The following PHLPP1 variants were observed in gnomAD, a reference collection of about 807,000 sequenced individuals.
PHLPP1 encodes the protein PH domain and leucine rich repeat protein phosphatase 1, also known as PH domain leucine-rich repeat-containing protein phosphatase 1.
A neutral mutation model predicts 117.2 loss-of-function variants in PHLPP1; 42 were observed. That is an observed-to-expected ratio of 0.36 (90% CI 0.28 to 0.46). PHLPP1 has a LOEUF of 0.46. Ranked by LOEUF, PHLPP1 falls within the 20% of genes least tolerant of loss-of-function variation. PHLPP1 has a pLI of 1.00. For synonymous variants in PHLPP1, 1,042 were observed against 970.7 expected, an observed-to-expected ratio of 1.07 and a Z score of -1.37; for missense variants, 2,084 against 2,241.9, an observed-to-expected ratio of 0.93 and a Z score of 1.42.
intron 1 of PHLPP1, among the ~76,000 whole-genome samples, chr18:62,785,942 A>T (rs190378166): frequency 1.8e-3 from 277 of 152,356 alleles, no homozygotes; most frequent in African/African-American, 6.5e-3. Flanking sequence ...AGGTAGATAC[A>T]CATAGGGAGA....
rs1911110446 is a variant in PHLPP1, at chr18:62,727,505, C to T, written c.1576+10246C>T. Among the ~76,000 whole-genome samples, 3 of 150,346 alleles carry T rather than the reference C, an allele frequency of 2.0e-5. No individual in the cohort carries two copies. In the South Asian group the frequency reaches 6.3e-4, roughly 32 times the overall value. ...GGTAGCATGCTTGTAGTCCTAGCTA[C>T]TTGGGAAGCTGAGGTGGGAAGATAT... On this transcript the variant is annotated intron_variant, in intron 1 of 16. Transcript: ENST00000262719.
chr18:62,783,939 C>A lies in PHLPP1; in HGVS notation c.1577-46096C>A, dbSNP rs138811064. Among the ~76,000 whole-genome samples, 19 of 152,296 alleles carry A rather than the reference C, an allele frequency of 1.2e-4. No homozygotes were observed. In the East Asian group the frequency reaches 3.7e-3, roughly 29 times the overall value. ...GGCCTGAGAATGAGAAGAAAGATGG[C>A]CACAGCAAGAAAGGGCCTAGTGTCT... On this transcript the variant is annotated intron_variant, in intron 1 of 16. Transcript: ENST00000262719.
At chr18:62,878,385 T>C (rs1036736826) in intron 4 of PHLPP1, among the ~76,000 whole-genome samples, 1 of 152,222 alleles carries the variant, frequency 6.6e-6, no homozygotes, top group Non-Finnish European at 1.5e-5. Flanking sequence ...CTCTCTCTGC[T>C]ACTTCATGTC....
chr18:62,775,240 G>A (rs560324568), intron 1 of PHLPP1, among the ~76,000 whole-genome samples: 1 of 152,232 alleles, frequency 6.6e-6, no homozygotes, highest in African/African-American at 2.4e-5. Context: ...TGGGATTATA[G>A]GCGCCTACCA....
At position 62,716,193 on chromosome 18, in the gene PHLPP1, G is replaced by C. The variant is rs913372631; in HGVS notation, c.510G>C (p.Arg170=). Reference sequence around the variant, plus strand: ...CGGCCTCGGCGTCGCTGTGCACCCGGAGCCTGGACAGGAAGACGCTGCTTC... The same window carrying C: ...CGGCCTCGGCGTCGCTGTGCACCCGCAGCCTGGACAGGAAGACGCTGCTTC... The part of the protein sequence containing the change: ...SCSASASLCT[R]SLDRKTLLLK... Residue 170 remains arginine, a synonymous_variant, in exon 1 of 17, where the codon CGG becomes CGC. Coordinates refer to ENST00000262719, the MANE Select transcript of PHLPP1 (RefSeq NM_194449.4). The surrounding 1 kb of genome is among the most constrained non-coding windows in gnomAD (Gnocchi z 5.7). 9.2e-6 allele frequency: 14 copies of C among 1,521,256 alleles called. No homozygotes were observed. In the African/African-American group the frequency reaches 1.4e-4, roughly 15 times the overall value. The allele number at this position is 1,521,256 out of a possible 1,614,324, so 94.2% of individuals were successfully genotyped here. A position where few individuals can be genotyped will look rare whatever the true frequency, so the allele number is the denominator to read the frequency against.
At chr18:62,832,484 C>T (rs530652526) in intron 2 of PHLPP1, among the ~76,000 whole-genome samples, 8 of 152,274 alleles carry the variant, frequency 5.3e-5, no homozygotes, top group Admixed American at 2.6e-4. Flanking sequence ...TCAGCAGATC[C>T]GGTTATAATT....
chr18:62,716,168 C>T lies in PHLPP1; in HGVS notation c.485C>T (p.Ser162Leu). Residue 162 changes from serine to leucine, a missense_variant, in exon 1 of 17, where the codon TCG (serine) becomes TTG (leucine). This residue lies in a region of PHLPP1 where 719 missense variants were observed against 636.0 expected (regional missense o/e 1.13). Transcript: ENST00000262719. This position sits in a 1 kb window ranked among gnomAD's most constrained non-coding sequence, Gnocchi z 5.7. The stretch of plus-strand genomic sequence containing the variant: ...GCTGCCGGCCTCCCCGCCTCCTGCT[C>T]GGCCTCGGCGTCGCTGTGCACCCGG... ...PGAAGLPASC[S>L]ASASLCTRSL... 4 of 1,518,980 alleles carry T rather than the reference C, an allele frequency of 2.6e-6. No homozygotes were observed. The highest frequency in any genetic ancestry group is 2.6e-6 in the Non-Finnish European group (3 of 1,139,372). 94.1% of individuals were successfully genotyped at this position (1,518,980 alleles called of 1,614,324 possible). A position where few individuals can be genotyped will look rare whatever the true frequency, so the allele number is the denominator to read the frequency against.
intron 1 of PHLPP1, among the ~76,000 whole-genome samples, chr18:62,771,962 A>G (rs552903875): frequency 6.6e-6 from 1 of 152,294 alleles, no homozygotes; most frequent in South Asian, 2.1e-4. Context: ...TTTCTGTATT[A>G]GGGACATTCA....
intron 1 of PHLPP1, among the ~76,000 whole-genome samples, chr18:62,764,063 T>C (rs1229421784): frequency 1.4e-5 from 2 of 146,048 alleles, no homozygotes; most frequent in African/African-American, 5.1e-5. Context: ...CTTGGGAGGC[T>C]AAGGGAGAAG....
intron 12 of PHLPP1, among the ~76,000 whole-genome samples, chr18:62,951,060 C>G (rs1402038160): frequency 6.6e-6 from 1 of 151,542 alleles, no homozygotes; most frequent in Non-Finnish European, 1.5e-5. Context: ...TTGTTCACCG[C>G]AAGTTCCGCC....
Position 62,979,852 on chromosome 18 carries a change from T to C in PHLPP1, c.*421T>C, listed in dbSNP as rs1911324026. ...TTTCTTTGGGGGGAAAAGGCTTTTG[T>C]TTTGTTTTGTTTTGTTTTGTTTTGT... is the stretch of plus-strand genomic sequence containing the variant. On this transcript the variant is annotated 3_prime_UTR_variant, in exon 17 of 17. Coordinates refer to ENST00000262719, the MANE Select transcript of PHLPP1 (RefSeq NM_194449.4). 2.5e-5 allele frequency: 4 copies of C among 158,042 alleles called. No individual in the cohort carries two copies. The highest frequency in any genetic ancestry group is 4.1e-5 in the Non-Finnish European group (3 of 72,396). 9.8% of individuals were successfully genotyped at this position (158,042 alleles called of 1,614,324 possible). A position where few individuals can be genotyped will look rare whatever the true frequency, so the allele number is the denominator to read the frequency against.
chr18:62,835,947 A>C (rs1914883210), intron 2 of PHLPP1, among the ~76,000 whole-genome samples: 1 of 150,936 alleles, frequency 6.6e-6, no homozygotes, highest in Non-Finnish European at 1.5e-5. Flanking sequence ...CGCCCGACTA[A>C]TTTTTGTATT....
Position 62,792,868 on chromosome 18 carries a change from C to CAAAAAAAAAAAAAA in PHLPP1, c.1577-37156_1577-37143dup, listed in dbSNP as rs71160870. Among the ~76,000 whole-genome samples the CAAAAAAAAAAAAAA allele has an allele frequency of 8.8e-5, 5 of 56,846 alleles. 1 individual carries two copies. Among genetic ancestry groups the CAAAAAAAAAAAAAA allele is most frequent in the African/African-American group, 3.8e-4 (5 of 13,090 alleles). 37.3% of individuals were successfully genotyped at this position (56,846 alleles called of 152,430 possible). ...TTGGTGAGAGAGCGAGCCTCTGTCT[C>CAAAAAAAAAAAAAA]AAAAAAAAAAAAAAAAAAAAAAAAG... On this transcript the variant is annotated intron_variant, in intron 1 of 16. Transcript: ENST00000262719.
chr18:62,885,534 C>G (rs773425740), intron 4 of PHLPP1, among the ~76,000 whole-genome samples: 1 of 152,136 alleles, frequency 6.6e-6, no homozygotes, highest in African/African-American at 2.4e-5. Flanking sequence ...GGGGCATGCA[C>G]CAGTAGTCCC....
chr18:62,850,382 A>G (rs909431569), intron 3 of PHLPP1, among the ~76,000 whole-genome samples: 2 of 70,408 alleles, frequency 2.8e-5, no homozygotes, highest in African/African-American at 1.2e-4. Context: ...GCAAGACTCC[A>G]TCTCGGGGGG....
At chr18:62,797,168 A>G (rs1913651464) in intron 1 of PHLPP1, among the ~76,000 whole-genome samples, 1 of 152,208 alleles carries the variant, frequency 6.6e-6, no homozygotes. Flanking sequence ...GTAGGAATAG[A>G]TTATTCTTCT....
At chr18:62,846,142 G>A (rs898767561) in intron 3 of PHLPP1, among the ~76,000 whole-genome samples, 52 of 145,970 alleles carry the variant, frequency 3.6e-4, no homozygotes, top group Non-Finnish European at 3.0e-5. Flanking sequence ...TCAGGAGGTA[G>A]AGGTTGCAGT....
chr18:62,727,995 T>G (rs1568095577), intron 1 of PHLPP1, among the ~76,000 whole-genome samples: 1 of 152,016 alleles, frequency 6.6e-6, no homozygotes, highest in Non-Finnish European at 1.5e-5. Flanking sequence ...GTATTAGAGA[T>G]AATTTTTTAG....
intron 13 of PHLPP1, among the ~76,000 whole-genome samples, chr18:62,961,164 C>T (rs886101776): frequency 3.3e-5 from 5 of 152,250 alleles, no homozygotes; most frequent in Middle Eastern, 6.8e-3. Flanking sequence ...GGCGAGGTGA[C>T]GCATGCCTGC....
Sources: allele counts gnomAD v4.1 joint callset (sites outside exome capture counted in the v4.1 genomes callset), GRCh38; gene constraint gnomAD v4.1.1; regional missense constraint gnomAD v4.1.1; non-coding constraint Gnocchi (gnomAD v3.1); transcripts MANE v1.5; gene names NCBI Gene and HGNC (gene_info 2026-07-23, HGNC 2026-07-21).